The following CSMD1 variants were observed in gnomAD, a reference collection of about 807,000 sequenced individuals.
The protein encoded by CSMD1 is CUB and Sushi multiple domains 1, also known as CUB and sushi domain-containing protein 1.
Under a neutral mutation model 417.5 loss-of-function variants are expected in CSMD1, and 213 were observed. The ratio of observed to expected loss-of-function variants is 0.51; its 90% confidence interval spans 0.46 to 0.57. The LOEUF (loss-of-function observed/expected upper bound fraction) is 0.57. Ranked by LOEUF, CSMD1 falls within the 20% of genes least tolerant of loss-of-function variation. The pLI is 0.00. For missense variants in CSMD1, 6,923 were observed against 4,529.7 expected (o/e 1.53, Z -15.17); for synonymous variants, 2,862 against 1,736.8 (o/e 1.65, Z -16.11).
chr8:4,272,386 T>C lies in CSMD1; in HGVS notation c.415+147567A>G, dbSNP rs568200429. Among the ~76,000 whole-genome samples the C allele has an allele frequency of 3.3e-5, 5 of 152,268 alleles. No individual in the cohort carries two copies. In the South Asian group the frequency reaches 1.0e-3, roughly 32 times the overall value. ...TACATCCTTTCACCTGAAGTCTCAG[T>C]TTCCAAGACCTATAGACAATGAGGA... On this transcript the variant is annotated intron_variant, in intron 3 of 69. Coordinates refer to ENST00000635120, the MANE Select transcript of CSMD1 (RefSeq NM_033225.6).
chr8:4,438,289 T>C (rs1324780265), intron 2 of CSMD1, among the ~76,000 whole-genome samples: 1 of 152,202 alleles, frequency 6.6e-6, no homozygotes, highest in Non-Finnish European at 1.5e-5. Flanking sequence ...GGGGCTTTCC[T>C]GAATGCTCAT....
chr8:3,532,579 G>C (rs568858589), intron 10 of CSMD1, among the ~76,000 whole-genome samples: 1 of 152,166 alleles, frequency 6.6e-6, no homozygotes, highest in African/African-American at 2.4e-5. Flanking sequence ...GATTTGATGA[G>C]TGATTGCATT....
intron 4 of CSMD1, among the ~76,000 whole-genome samples, chr8:4,000,707 T>C (rs1815600816): frequency 1.3e-5 from 2 of 152,074 alleles, no homozygotes; most frequent in South Asian, 4.1e-4. Context: ...CATTAATATT[T>C]CCAGAGTAAT....
intron 10 of CSMD1, among the ~76,000 whole-genome samples, chr8:3,526,297 A>C (rs1029941086): frequency 1.3e-4 from 19 of 151,544 alleles, no homozygotes; most frequent in African/African-American, 4.6e-4. Context: ...GCAAATAGAT[A>C]TAGGCAATGT....
At chr8:3,644,078 C>G (rs902221757) in intron 7 of CSMD1, among the ~76,000 whole-genome samples, 1 of 152,166 alleles carries the variant, frequency 6.6e-6, no homozygotes, top group South Asian at 2.1e-4. Flanking sequence ...TAAGAAAGTG[C>G]TCCAGGGCAG....
Position 3,188,768 on chromosome 8 carries a change from G to C in CSMD1, c.5523+119C>G, listed in dbSNP as rs1175246571. 8.1e-6 allele frequency: 7 copies of C among 866,226 alleles called. No homozygotes were observed. The East Asian group carries it at 1.5e-4, about 19-fold the overall frequency. The allele number at this position is 866,226 out of a possible 1,614,324, so 53.7% of individuals were successfully genotyped here. The stretch of plus-strand genomic sequence containing the variant: ...GTATTTAAAATAACCAGTATAAAAG[G>C]AAAAAAGAGAGAGGGAGAGAGAGAG... On this transcript the variant is annotated intron_variant, in intron 35 of 69. Coordinates refer to ENST00000635120, the MANE Select transcript of CSMD1 (RefSeq NM_033225.6).
At chr8:3,241,042 G>A (rs564230330) in intron 26 of CSMD1, among the ~76,000 whole-genome samples, 7 of 148,904 alleles carry the variant, frequency 4.7e-5, no homozygotes, top group South Asian at 2.2e-4. Flanking sequence ...GGGAGTAGAG[G>A]TATCTCATAC....
chr8:4,000,145 C>T (rs1327635669), intron 4 of CSMD1, among the ~76,000 whole-genome samples: 1 of 152,050 alleles, frequency 6.6e-6, no homozygotes. Context: ...CACACACTTC[C>T]CTGGTCAACT....
chr8:3,691,561 TTACACATAACTTTA>T (rs1800246023), intron 7 of CSMD1, among the ~76,000 whole-genome samples: 1 of 152,164 alleles, frequency 6.6e-6, no homozygotes, highest in Non-Finnish European at 1.5e-5. Context: ...ATAATTGTAT[TTACACATAACTTTA>T]TAATCTTCCA....
intron 7 of CSMD1, among the ~76,000 whole-genome samples, chr8:3,622,792 T>A (rs2449225): frequency 1.1e-4 from 2 of 17,700 alleles, no homozygotes; most frequent in Non-Finnish European, 1.2e-4. Flanking sequence ...CAACTATGTA[T>A]TCCATCCACA....
intron 2 of CSMD1, among the ~76,000 whole-genome samples, chr8:4,455,830 C>G (rs1224501731): frequency 7.0e-6 from 1 of 142,822 alleles, no homozygotes; most frequent in East Asian, 2.2e-4. Context: ...ACTCAGGAGG[C>G]TGAGGCAAGA....
intron 5 of CSMD1, among the ~76,000 whole-genome samples, chr8:3,921,001 G>A (rs963522635): frequency 2.6e-5 from 4 of 152,108 alleles, no homozygotes; most frequent in African/African-American, 9.7e-5. Context: ...GTTTGAAAAT[G>A]TTTCCTCTTC....
chr8:4,103,716 G>T (rs578068384), intron 3 of CSMD1, among the ~76,000 whole-genome samples: 1 of 152,048 alleles, frequency 6.6e-6, no homozygotes, highest in Non-Finnish European at 1.5e-5. Context: ...CATGATAAGA[G>T]TTCCTTTATC....
At chr8:4,361,657 T>C (rs1004772995) in intron 3 of CSMD1, among the ~76,000 whole-genome samples, 1 of 152,018 alleles carries the variant, frequency 6.6e-6, no homozygotes, top group African/African-American at 2.4e-5. Flanking sequence ...CTTAAAGAAG[T>C]TTCCTATCAG....
At chr8:3,101,138 A>C (rs1815706034) in intron 46 of CSMD1, among the ~76,000 whole-genome samples, 1 of 151,604 alleles carries the variant, frequency 6.6e-6, no homozygotes, top group Admixed American at 6.6e-5. Flanking sequence ...AAGAAACCTG[A>C]CGTTGAAGAC....
At chr8:4,049,011 G>C (rs778404935) in intron 3 of CSMD1, among the ~76,000 whole-genome samples, 25 of 152,098 alleles carry the variant, frequency 1.6e-4, no homozygotes, top group Non-Finnish European at 1.3e-4. Context: ...TGATGTTAAT[G>C]ATCACCTTTT....
intron 41 of CSMD1, among the ~76,000 whole-genome samples, chr8:3,120,842 T>A (rs1187536584): frequency 6.6e-6 from 1 of 151,976 alleles, no homozygotes; most frequent in Non-Finnish European, 1.5e-5. Flanking sequence ...TGAGACTCCA[T>A]CACAAATAAA....
chr8:3,821,648 G>A (rs1215019540), intron 5 of CSMD1, among the ~76,000 whole-genome samples: 5 of 152,130 alleles, frequency 3.3e-5, no homozygotes, highest in Non-Finnish European at 5.9e-5. Context: ...CGGGCATGGT[G>A]GCACATGCCT....
chr8:3,790,008 G>T (rs1420163200), intron 5 of CSMD1, among the ~76,000 whole-genome samples: 1 of 152,160 alleles, frequency 6.6e-6, no homozygotes, highest in African/African-American at 2.4e-5. Flanking sequence ...TGGGATTACA[G>T]GCGTAAGCCA....
Sources: allele counts gnomAD v4.1 joint callset (sites outside exome capture counted in the v4.1 genomes callset), GRCh38; gene constraint gnomAD v4.1.1; transcripts MANE v1.5; gene names NCBI Gene and HGNC (gene_info 2026-07-23, HGNC 2026-07-21).